ELOVL7: variants seen among roughly 807,000 people sequenced by gnomAD.
ELOVL7 encodes the protein ELOVL fatty acid elongase 7.
Under a neutral mutation model 35.7 loss-of-function variants are expected in ELOVL7, and 27 were observed. The ratio of observed to expected loss-of-function variants is 0.76; its 90% confidence interval spans 0.56 to 1.04. The LOEUF is 1.04. Among genes scored for constraint, ELOVL7 ranks in the 50% least tolerant of loss-of-function variants. The pLI is 0.00. For synonymous variants in ELOVL7, 113 were observed against 114.6 expected, an observed-to-expected ratio of 0.99 and a Z score of 0.09; for missense variants, 327 against 340.8, an observed-to-expected ratio of 0.96 and a Z score of 0.32.
At chr5:60,776,776 T>A (rs928030316) in intron 3 of ELOVL7, among the ~76,000 whole-genome samples, 10 of 152,186 alleles carry the variant, frequency 6.6e-5, no homozygotes, top group African/African-American at 2.4e-4. Flanking sequence ...CTATGTTCAC[T>A]ATATTCATGA....
At chr5:60,755,072 G>A (rs1233603461) in intron 8 of ELOVL7, among the ~76,000 whole-genome samples, 1 of 152,098 alleles carries the variant, frequency 6.6e-6, no homozygotes, top group African/African-American at 2.4e-5. Context: ...ATATTTAAAT[G>A]TTCCCTGGAG....
chr5:60,832,841 G>C (rs1452155399), intron 1 of ELOVL7, among the ~76,000 whole-genome samples: 6 of 152,192 alleles, frequency 3.9e-5, no homozygotes, highest in Non-Finnish European at 7.3e-5. Flanking sequence ...AGGGCTGTTA[G>C]ATAAAGTCCA....
chr5:60,790,254 A>G (rs1485622591), intron 2 of ELOVL7, among the ~76,000 whole-genome samples: 1 of 152,202 alleles, frequency 6.6e-6, no homozygotes, highest in Non-Finnish European at 1.5e-5. Context: ...AGTTGTATAA[A>G]AGGAACTCTT....
At chr5:60,777,021 TTA>T in intron 3 of ELOVL7, among the ~76,000 whole-genome samples, 1 of 151,894 alleles carries the variant, frequency 6.6e-6, no homozygotes, top group Non-Finnish European at 1.5e-5. Flanking sequence ...GATTTCTCAC[TTA>T]TATGTGGGAT....
chr5:60,802,091 TATATATATATATATATATATATATATAC>T (rs1354731474), intron 1 of ELOVL7, among the ~76,000 whole-genome samples: 178 of 13,754 alleles, frequency 0.013, 11 homozygotes, highest in Non-Finnish European at 0.016. Flanking sequence ...TATATATATA[TATATATATATATATATATATATATATAC>T]ACACACACAC....
intron 2 of ELOVL7, among the ~76,000 whole-genome samples, chr5:60,794,037 G>GC (rs1744097713): frequency 6.6e-6 from 1 of 152,182 alleles, no homozygotes; most frequent in African/African-American, 2.4e-5. Context: ...CACAGTCAGA[G>GC]CTCAGCCTGC....
At chr5:60,842,763 C>T (rs4699963) in intron 1 of ELOVL7, among the ~76,000 whole-genome samples, 19,964 of 152,104 alleles carry the variant, frequency 0.13, 1,645 homozygotes, top group African/African-American at 0.23. Context: ...AGTTACTTAA[C>T]CTCTCCGTGC....
intron 1 of ELOVL7, among the ~76,000 whole-genome samples, chr5:60,826,802 C>G (rs749474688): frequency 6.6e-5 from 10 of 152,082 alleles, no homozygotes; most frequent in Non-Finnish European, 1.5e-4. Context: ...CAGATGTACT[C>G]AAAAGACTTT....
At chr5:60,763,865 C>T (rs966378843) in intron 7 of ELOVL7, among the ~76,000 whole-genome samples, 9 of 152,064 alleles carry the variant, frequency 5.9e-5, no homozygotes, top group African/African-American at 2.2e-4. Flanking sequence ...TGGGAGCATA[C>T]AGGAAATTGT....
At position 60,766,587 on chromosome 5, in the gene ELOVL7, T is replaced by C; in HGVS notation, c.380A>G (p.Glu127Gly). 1 of 1,612,542 alleles carries C rather than the reference T, an allele frequency of 6.2e-7. No individual in the cohort carries two copies. The highest frequency in any genetic ancestry group is 8.5e-7 in the Non-Finnish European group (1 of 1,179,206). ...CCATATACTCACCGTATCTAATAGC[T>C]CAATAAATTTGGAGAAGTAATAAAG... Reference protein sequence around the residue: ...CWLYYFSKFIELLDTIFFVLR... With the variant: ...CWLYYFSKFIGLLDTIFFVLR... Residue 127 changes from glutamate to glycine, a missense_variant, in exon 6 of 9, where the codon GAG becomes GGG. Glu to Gly is a moderately conservative substitution (Grantham distance 98, BLOSUM62 -2). Transcript: ENST00000508821.
At chr5:60,763,249 C>G (rs1405286384) in intron 7 of ELOVL7, among the ~76,000 whole-genome samples, 2 of 152,228 alleles carry the variant, frequency 1.3e-5, no homozygotes, top group Admixed American at 1.3e-4. Flanking sequence ...TCATGATTCA[C>G]AGCCCCTGTG....
chr5:60,810,000 T>C (rs746724160), intron 1 of ELOVL7, among the ~76,000 whole-genome samples: 2 of 152,208 alleles, frequency 1.3e-5, no homozygotes, highest in East Asian at 1.9e-4. Flanking sequence ...TCACTTTCCA[T>C]GTCCTTGGGC....
chr5:60,840,099 T>C lies in ELOVL7; in HGVS notation c.-86+4061A>G, dbSNP rs75146569. On this transcript the variant is annotated intron_variant, in intron 1 of 8. Coordinates refer to ENST00000508821, the MANE Select transcript of ELOVL7 (RefSeq NM_024930.3). The stretch of plus-strand genomic sequence containing the variant: ...TCTCAAAAATTAGAAAAAATCCTAC[T>C]TTCTCAATTTGCCTAGAAATTATTT... Among the ~76,000 whole-genome samples the C allele has an allele frequency of 7.6e-3, 1,156 of 152,270 alleles. 13 individuals carry two copies. The highest frequency in any genetic ancestry group is 0.026 in the African/African-American group (1,095 of 41,554).
chr5:60,760,043 G>C (rs1489217623), intron 7 of ELOVL7, among the ~76,000 whole-genome samples: 2 of 152,058 alleles, frequency 1.3e-5, no homozygotes, highest in African/African-American at 2.4e-5. Context: ...TATCATTGTT[G>C]GACATTTGGG....
chr5:60,804,736 T>C (rs564329967), intron 1 of ELOVL7, among the ~76,000 whole-genome samples: 3 of 152,034 alleles, frequency 2.0e-5, no homozygotes, highest in African/African-American at 7.3e-5. Flanking sequence ...CTCAGAAAAA[T>C]AAGGGAAAGC....
chr5:60,774,671 T>A (rs1426790492), intron 3 of ELOVL7, among the ~76,000 whole-genome samples: 1 of 151,094 alleles, frequency 6.6e-6, no homozygotes, highest in African/African-American at 2.4e-5. Context: ...ATAAAAGGCA[T>A]CAAAATTGGA....
At chr5:60,761,759 T>C (rs759674361) in intron 7 of ELOVL7, among the ~76,000 whole-genome samples, 1 of 152,112 alleles carries the variant, frequency 6.6e-6, no homozygotes, top group Non-Finnish European at 1.5e-5. Context: ...ACAGTTTTAA[T>C]AGTAAAATAT....
Position 60,790,540 on chromosome 5 carries a change from C to T in ELOVL7, c.-34-3109G>A, listed in dbSNP as rs189026838. 1.9e-4 allele frequency among the ~76,000 whole-genome samples: 29 copies of T among 152,278 alleles called. No homozygotes were observed. The East Asian group carries it at 4.8e-3, about 25-fold the overall frequency. On this transcript the variant is annotated intron_variant, in intron 2 of 8. Transcript: ENST00000508821. ...AGTCCAGGAAGGCATGTCAGCATGGCCTCTGTATTGATACACCCAGTCTTC... is the reference window on the plus strand; with the variant it reads ...AGTCCAGGAAGGCATGTCAGCATGGTCTCTGTATTGATACACCCAGTCTTC...
intron 2 of ELOVL7, 114 bp from the exon 3 acceptor site, chr5:60,787,545 C>A: frequency 1.8e-6 from 1 of 569,424 alleles, no homozygotes; most frequent in Non-Finnish European, 2.9e-6. Context: ...ACTGGCAAGA[C>A]AACAAACTCC....
Sources: gnomAD v4.1 joint callset for allele counts (sites outside exome capture counted in the v4.1 genomes callset) on GRCh38, gnomAD v4.1.1 for gene constraint, MANE v1.5 for transcripts, NCBI Gene and HGNC (gene_info 2026-07-23, HGNC 2026-07-21) for gene names.